ZNF385D: variants seen among roughly 807,000 people sequenced by gnomAD.
The protein encoded by ZNF385D is zinc finger protein 659.
Under a neutral mutation model 35.8 loss-of-function variants are expected in ZNF385D, and 15 were observed. The observed-to-expected ratio is 0.42, with a 90% confidence interval of 0.28 to 0.64. ZNF385D has a LOEUF of 0.64. ZNF385D is among the 30% of genes least tolerant of loss of function. The pLI, the probability that ZNF385D is intolerant of heterozygous loss-of-function variation, is 0.23. For missense variants in ZNF385D, 474 were observed against 494.6 expected (o/e 0.96, Z 0.39); for synonymous variants, 212 against 186.8 (o/e 1.13, Z -1.10).
chr3:21,727,583 C>T (rs556070907), intron 1 of ZNF385D, among the ~76,000 whole-genome samples: 122 of 152,302 alleles, frequency 8.0e-4, no homozygotes, highest in Non-Finnish European at 1.4e-3. Flanking sequence ...CATCACTGGT[C>T]ATTAGAGAAA....
chr3:21,436,974 G>C lies in ZNF385D; in HGVS notation c.669C>G (p.Asn223Lys). Reference sequence around the variant, plus strand: ...AAAGAAATCGCTGCATCTCACCACTGTTGTGCGCCTCCAGCTGCGAGGCAG... The same window carrying C: ...AAAGAAATCGCTGCATCTCACCACTCTTGTGCGCCTCCAGCTGCGAGGCAG... ...VNSASQLEAH[N>K]SGTKHKTMLE... The change falls in exon 5 of 8, where the codon AAC becomes AAG. Residue 223 changes from asparagine to lysine, a missense_variant. Coordinates refer to ENST00000281523, the MANE Select transcript of ZNF385D (RefSeq NM_024697.3). 1 of 1,613,724 alleles carries C rather than the reference G, an allele frequency of 6.2e-7. No individual in the cohort carries two copies. The highest frequency in any genetic ancestry group is 8.5e-7 in the Non-Finnish European group (1 of 1,179,770).
intron 2 of ZNF385D, among the ~76,000 whole-genome samples, chr3:21,654,705 C>G (rs1016974674): frequency 2.0e-5 from 3 of 151,952 alleles, no homozygotes; most frequent in African/African-American, 7.2e-5. Context: ...AATAGACTTA[C>G]AAAATATAGC....
chr3:21,700,825 C>T (rs969361193), intron 1 of ZNF385D, among the ~76,000 whole-genome samples: 2 of 152,164 alleles, frequency 1.3e-5, no homozygotes. Context: ...GGTAAGACAT[C>T]CAAAGCAGTT....
chr3:22,261,746 T>G (rs1700644159), intron 2 of ZNF385D, among the ~76,000 whole-genome samples: 1 of 151,964 alleles, frequency 6.6e-6, no homozygotes, highest in African/African-American at 2.4e-5. Context: ...CGTGTTCCTC[T>G]AACCAAAGGC....
At chr3:22,328,224 T>G (rs1694766030) in intron 2 of ZNF385D, among the ~76,000 whole-genome samples, 1 of 152,030 alleles carries the variant, frequency 6.6e-6, no homozygotes, top group African/African-American at 2.4e-5. Flanking sequence ...CTCCCCTCAC[T>G]TCATGGTCCT....
At chr3:21,972,981 T>C (rs1703359806) in intron 3 of ZNF385D, among the ~76,000 whole-genome samples, 1 of 151,990 alleles carries the variant, frequency 6.6e-6, no homozygotes, top group African/African-American at 2.4e-5. Context: ...TGCTGAATTT[T>C]ACCAAAGTTT....
intron 3 of ZNF385D, among the ~76,000 whole-genome samples, chr3:21,541,433 A>G (rs1367397477): frequency 2.0e-5 from 3 of 152,220 alleles, no homozygotes; most frequent in Non-Finnish European, 2.9e-5. Flanking sequence ...ACACTTGAGA[A>G]AGGTAAATTA....
At chr3:21,956,394 G>A (rs1002336613) in intron 3 of ZNF385D, among the ~76,000 whole-genome samples, 2 of 151,386 alleles carry the variant, frequency 1.3e-5, no homozygotes, top group African/African-American at 2.4e-5. Context: ...TAGTAATAAC[G>A]AGAAGATAAA....
intron 3 of ZNF385D, among the ~76,000 whole-genome samples, chr3:22,082,062 A>G (rs1210975203): frequency 1.3e-5 from 2 of 149,018 alleles, no homozygotes; most frequent in Admixed American, 6.8e-5. Flanking sequence ...TTCGAACTGC[A>G]GTGTTAAGAA....
intron 2 of ZNF385D, among the ~76,000 whole-genome samples, chr3:22,347,258 A>G (rs1695700994): frequency 6.6e-6 from 1 of 152,216 alleles, no homozygotes; most frequent in Non-Finnish European, 1.5e-5. Flanking sequence ...GATTTTAAAA[A>G]TAGCTTTGAC....
chr3:21,556,637 A>G (rs1056643435), intron 3 of ZNF385D, among the ~76,000 whole-genome samples: 14 of 152,270 alleles, frequency 9.2e-5, no homozygotes, highest in African/African-American at 3.1e-4. Flanking sequence ...CTTGTAGTAT[A>G]GTTAGAAGCC....
chr3:21,513,246 A>G (rs949832653), intron 3 of ZNF385D, among the ~76,000 whole-genome samples: 2 of 152,110 alleles, frequency 1.3e-5, no homozygotes, highest in Non-Finnish European at 2.9e-5. Flanking sequence ...AACAAACCCA[A>G]ATACCAAACA....
At chr3:21,694,366 CAAG>C in intron 1 of ZNF385D, among the ~76,000 whole-genome samples, 1 of 152,160 alleles carries the variant, frequency 6.6e-6, no homozygotes, top group East Asian at 1.9e-4. Flanking sequence ...CCTCCTGATG[CAAG>C]AAGGGCTCAT....
At chr3:21,988,358 C>T (rs1694937639) in intron 3 of ZNF385D, among the ~76,000 whole-genome samples, 1 of 124,032 alleles carries the variant, frequency 8.1e-6, no homozygotes, top group South Asian at 3.4e-4. Context: ...GTGTGGATGT[C>T]CTTTCTGTTT....
chr3:21,817,728 G>A (rs1424269956), intron 3 of ZNF385D, among the ~76,000 whole-genome samples: 1 of 152,188 alleles, frequency 6.6e-6, no homozygotes, highest in Non-Finnish European at 1.5e-5. Context: ...CTGTTGGTGG[G>A]ACTGTAAACT....
At chr3:22,215,449 CA>C (rs1697810260) in intron 2 of ZNF385D, among the ~76,000 whole-genome samples, 1 of 151,940 alleles carries the variant, frequency 6.6e-6, no homozygotes, top group African/African-American at 2.4e-5. Flanking sequence ...ATGGCTGCTT[CA>C]GGGGGCGGCC....
intron 2 of ZNF385D, among the ~76,000 whole-genome samples, chr3:22,214,874 CTATTACCTTG>C (rs1697761873): frequency 3.0e-5 from 3 of 100,604 alleles, no homozygotes; most frequent in Non-Finnish European, 6.5e-5. Flanking sequence ...TTGTGATATT[CTATTACCTTG>C]TGAAGCACGT....
chr3:22,214,072 C>T (rs2638128), intron 2 of ZNF385D, among the ~76,000 whole-genome samples: 18,374 of 151,906 alleles, frequency 0.12, 1,460 homozygotes, highest in Middle Eastern at 0.23. Context: ...TCAGGGACTT[C>T]GAACGGAGGG....
intron 3 of ZNF385D, among the ~76,000 whole-genome samples, chr3:21,948,205 T>G (rs767654100): frequency 8.6e-5 from 13 of 152,044 alleles, no homozygotes; most frequent in Non-Finnish European, 1.9e-4. Context: ...TATCAATAAA[T>G]TTCATAAATG....
Sources: gnomAD v4.1 joint callset for allele counts (sites outside exome capture counted in the v4.1 genomes callset) on GRCh38, gnomAD v4.1.1 for gene constraint, MANE v1.5 for transcripts, NCBI Gene and HGNC (gene_info 2026-07-23, HGNC 2026-07-21) for gene names.